Variants in IMPG2 observed in about 807,000 individuals in gnomAD.
IMPG2 encodes IPM 200.
A neutral mutation model predicts 129.2 loss-of-function variants in IMPG2; 91 were observed. That is an observed-to-expected ratio of 0.70 (90% CI 0.59 to 0.84). IMPG2 has a LOEUF of 0.84. Ranked by LOEUF, IMPG2 falls within the 40% of genes least tolerant of loss-of-function variation. IMPG2 has a pLI of 0.00. For missense variants in IMPG2, 1,430 were observed against 1,461.7 expected (o/e 0.98, Z 0.35); for synonymous variants, 510 against 517.7 (o/e 0.99, Z 0.20).
Position 101,224,231 on chromosome 3 carries a change from C to T in IMPG2, c.*2738G>A, listed in dbSNP as rs1463377826. On this transcript the variant is annotated 3_prime_UTR_variant, in exon 19 of 19. Transcript: ENST00000193391. ...ACCATTGCAATGGTGAAAATGGAGCCCTATTTATCAAATAAATTCCCCTTT... is the reference window on the plus strand; with the variant it reads ...ACCATTGCAATGGTGAAAATGGAGCTCTATTTATCAAATAAATTCCCCTTT... 1 of 152,006 alleles carries T rather than the reference C, an allele frequency of 6.6e-6. No individual in the cohort carries two copies. The highest frequency in any genetic ancestry group is 1.5e-5 in the Non-Finnish European group (1 of 68,006). The allele number at this position is 152,006 out of a possible 1,614,324, so 9.4% of individuals were successfully genotyped here.
At chr3:101,312,068 A>T (rs1441179245) in intron 2 of IMPG2, among the ~76,000 whole-genome samples, 1 of 152,108 alleles carries the variant, frequency 6.6e-6, no homozygotes. Context: ...TTAAACGTAC[A>T]CACCAAAACT....
At position 101,223,992 on chromosome 3, in the gene IMPG2, A is replaced by C. The variant is rs1706193665; in HGVS notation, c.*2977T>G. 1 of 152,162 alleles carries C rather than the reference A, an allele frequency of 6.6e-6. No individual in the cohort carries two copies. The highest frequency in any genetic ancestry group is 1.5e-5 in the Non-Finnish European group (1 of 68,038). The allele number at this position is 152,162 out of a possible 1,614,324, so 9.4% of individuals were successfully genotyped here. ...AAACCCCATCTCTACTAAAAATATA[A>C]AAATTAGCTGGGCATGGTGGTGGGT... is the stretch of plus-strand genomic sequence containing the variant. On this transcript the variant is annotated 3_prime_UTR_variant, in exon 19 of 19. Transcript: ENST00000193391.
At chr3:101,234,087 G>T (rs1706319609) in intron 14 of IMPG2, among the ~76,000 whole-genome samples, 1 of 151,122 alleles carries the variant, frequency 6.6e-6, no homozygotes, top group Admixed American at 6.6e-5. Context: ...AGTGTCCCCA[G>T]AAGTTCATGT....
At chr3:101,269,926 CTTTTTTTTTT>C (rs5851267) in intron 7 of IMPG2, among the ~76,000 whole-genome samples, 2 of 106,980 alleles carry the variant, frequency 1.9e-5, no homozygotes, top group Non-Finnish European at 1.9e-5. Context: ...TTATTTTATT[CTTTTTTTTTT>C]TTTTTTTTTT....
chr3:101,312,934 G>C (rs1423135722), intron 2 of IMPG2, among the ~76,000 whole-genome samples: 1 of 152,034 alleles, frequency 6.6e-6, no homozygotes, highest in East Asian at 1.9e-4. Flanking sequence ...GGGAAGAGGG[G>C]GAAGGGAGAT....
At chr3:101,252,939 T>A (rs1382547068) in intron 11 of IMPG2, among the ~76,000 whole-genome samples, 1 of 152,194 alleles carries the variant, frequency 6.6e-6, no homozygotes, top group East Asian at 1.9e-4. Context: ...ACTGTTTGTA[T>A]ATGATAACAA....
intron 3 of IMPG2, among the ~76,000 whole-genome samples, chr3:101,292,019 C>T (rs112476822): frequency 0.021 from 3,158 of 152,184 alleles, 114 homozygotes; most frequent in African/African-American, 0.072. Context: ...CTGCAAGTTT[C>T]CCCTAAATTA....
At chr3:101,267,346 C>G (rs1024848299) in intron 9 of IMPG2, among the ~76,000 whole-genome samples, 165 bp downstream of exon 9, 1 of 152,110 alleles carries the variant, frequency 6.6e-6, no homozygotes, top group African/African-American at 2.4e-5. Flanking sequence ...TATTGGCTAC[C>G]TGACTCTTAA....
At chr3:101,316,187 T>C (rs930453312) in intron 2 of IMPG2, among the ~76,000 whole-genome samples, 1 of 151,952 alleles carries the variant, frequency 6.6e-6, no homozygotes, top group South Asian at 2.1e-4. Flanking sequence ...AAGAAAAAAC[T>C]TTGTGATCTT....
At chr3:101,275,207 C>G (rs566292) in intron 6 of IMPG2, among the ~76,000 whole-genome samples, 137,759 of 152,182 alleles carry the variant, frequency 0.91, 62,481 homozygotes, top group East Asian at 1. Flanking sequence ...TAGAGACTCA[C>G]CTATAGGATT....
rs1706187587 is a variant in IMPG2 at position 101,223,575 on chromosome 3, C to T, written c.*3394G>A. On this transcript the variant is annotated 3_prime_UTR_variant, in exon 19 of 19. Transcript: ENST00000193391. Reference sequence around the variant, plus strand: ...ATGGAAGTCAAACTTATAAAACAAGCATACAAATGAATAATTAGTTCAGGT... The same window carrying T: ...ATGGAAGTCAAACTTATAAAACAAGTATACAAATGAATAATTAGTTCAGGT... 1 of 152,134 alleles carries T rather than the reference C, an allele frequency of 6.6e-6. No individual in the cohort carries two copies. The highest frequency in any genetic ancestry group is 1.5e-5 in the Non-Finnish European group (1 of 68,020). 9.4% of individuals were successfully genotyped at this position (152,134 alleles called of 1,614,324 possible).
At chr3:101,233,092 A>T in intron 14 of IMPG2, 101 bp from the exon 15 acceptor site, 8 of 1,004,190 alleles carry the variant, frequency 8.0e-6, no homozygotes, top group Non-Finnish European at 1.2e-5. Flanking sequence ...ATATGGGACA[A>T]CTCCTTTCCA....
In IMPG2 at chr3:101,257,656, A is replaced by G. The variant is rs1200268945; in HGVS notation, c.1026T>C (p.Asp342=). The change falls in exon 10 of 19, where the codon GAT becomes GAC. Residue 342 remains aspartate, a synonymous_variant. Coordinates refer to ENST00000193391, the MANE Select transcript of IMPG2 (RefSeq NM_016247.4). ...KVENHGLVEL[D]DKPTVVYTIS... is the part of the protein sequence containing the mutation. ...TTGTATAAACAACAGTGGGTTTATC[A>G]TCCAGTTCCACAAGGCCATGGTTTT... 6.2e-7 allele frequency: 1 copy of G among 1,613,494 alleles called. No individual in the cohort carries two copies. The highest frequency in any genetic ancestry group is 8.5e-7 in the Non-Finnish European group (1 of 1,179,590).
chr3:101,235,709 T>C (rs939404725), intron 14 of IMPG2, among the ~76,000 whole-genome samples: 6 of 152,218 alleles, frequency 3.9e-5, no homozygotes, highest in African/African-American at 1.4e-4. Flanking sequence ...AGTGCCTTAA[T>C]GATTCTATTG....
chr3:101,315,796 T>C (rs2107145839), intron 2 of IMPG2, among the ~76,000 whole-genome samples: 1 of 151,952 alleles, frequency 6.6e-6, no homozygotes, highest in South Asian at 2.1e-4. Flanking sequence ...CTGATTCTAA[T>C]ATTTATATGG....
intron 14 of IMPG2, among the ~76,000 whole-genome samples, chr3:101,234,981 AT>A (rs1706330333): frequency 2.0e-5 from 3 of 152,252 alleles, no homozygotes; most frequent in Admixed American, 6.5e-5. Context: ...ATAATGAGAT[AT>A]CTTGGGGATG....
At chr3:101,239,054 G>A (rs1706378620) in intron 14 of IMPG2, among the ~76,000 whole-genome samples, 1 of 152,066 alleles carries the variant, frequency 6.6e-6, no homozygotes, top group Admixed American at 6.6e-5. Context: ...AACACCAAAA[G>A]CAATGGCAAC....
At chr3:101,274,031 T>G (rs921376904) in intron 6 of IMPG2, among the ~76,000 whole-genome samples, 1 of 151,842 alleles carries the variant, frequency 6.6e-6, no homozygotes, top group Non-Finnish European at 1.5e-5. Flanking sequence ...CCATCTCTAC[T>G]AAAAATACAA....
chr3:101,320,038 T>C (rs2058803956), intron 1 of IMPG2, among the ~76,000 whole-genome samples: 1 of 152,034 alleles, frequency 6.6e-6, no homozygotes, highest in South Asian at 2.1e-4. Flanking sequence ...AAGATTGTTA[T>C]CAAAATCAAG....
Sources: gnomAD v4.1 joint callset for allele counts (sites outside exome capture counted in the v4.1 genomes callset) on GRCh38, gnomAD v4.1.1 for gene constraint, MANE v1.5 for transcripts, NCBI Gene and HGNC (gene_info 2026-07-23, HGNC 2026-07-21) for gene names.